PPARA: variants seen among roughly 807,000 people sequenced by gnomAD.
PPARA encodes the protein peroxisome proliferator activated receptor alpha.
In PPARA, 22 loss-of-function variants were observed where a neutral mutation model predicts 42.2. The ratio of observed to expected loss-of-function variants is 0.52; its 90% CI spans 0.37 to 0.74. PPARA has a LOEUF of 0.74. PPARA is among the 30% of genes least tolerant of loss of function. PPARA has a pLI of 0.00. For missense variants in PPARA, 465 were observed against 608.2 expected (o/e 0.76, Z 2.48); for synonymous variants, 242 against 239.3 (o/e 1.01, Z -0.10).
In PPARA at chr22:46,232,376, C is replaced by T. The variant is rs1345577122; in HGVS notation, c.1159+137C>T. 3 of 797,300 alleles carry T rather than the reference C, an allele frequency of 3.8e-6. No individual in the cohort carries two copies. The highest frequency in any genetic ancestry group is 6.6e-6 in the Non-Finnish European group (3 of 457,064). 49.4% of individuals were successfully genotyped at this position (797,300 alleles called of 1,614,324 possible). On this transcript the variant is annotated intron_variant, in intron 8 of 8. Transcript: ENST00000407236. The surrounding 1 kb of genome is among the most constrained non-coding windows in gnomAD (Gnocchi z 5.3). ...CTCACATGGTGGGAAGACGTCTGAC[C>T]CCCAGTCACTGCTGAGAATTCAGTG... is the stretch of plus-strand genomic sequence containing the variant.
intron 4 of PPARA, among the ~76,000 whole-genome samples, chr22:46,209,625 G>T (rs1034105285): frequency 7.9e-5 from 12 of 152,024 alleles, no homozygotes; most frequent in Admixed American, 5.9e-4. Context: ...TTCCATATTA[G>T]ATATTGTAGT....
chr22:46,215,571 C>G (rs963720045), intron 5 of PPARA, among the ~76,000 whole-genome samples: 1 of 151,930 alleles, frequency 6.6e-6, no homozygotes, highest in African/African-American at 2.4e-5. Flanking sequence ...AACCCTGTCT[C>G]TACTAAAAAT....
chr22:46,177,346 A>T (rs951398638), intron 3 of PPARA, among the ~76,000 whole-genome samples: 2 of 151,526 alleles, frequency 1.3e-5, no homozygotes, highest in Non-Finnish European at 2.9e-5. Context: ...TGGTATAAAA[A>T]TTTGATAGTC....
intron 5 of PPARA, 170 bp downstream of exon 5, chr22:46,215,503 C>T (rs1011417453): frequency 1.9e-5 from 15 of 806,884 alleles, no homozygotes; most frequent in South Asian, 1.5e-4. Flanking sequence ...TTTGGGAGAC[C>T]GAGATGGGTG....
In PPARA at chr22:46,165,085, G is replaced by A. The variant is rs188828755; in HGVS notation, c.-126-11668G>A. 1 of 152,320 alleles carries A rather than the reference G, an allele frequency of 6.6e-6. No homozygotes were observed. Among genetic ancestry groups the A allele is most frequent in the African/African-American group, 2.4e-5 (1 of 41,580 alleles). The allele number at this position is 152,320 out of a possible 1,614,324, so 9.4% of individuals were successfully genotyped here. ...GAGTTTCGCTCTGTTGCCCAGGCTA[G>A]AGTGCAATGCCATGATCTCGGCTCA... is the stretch of plus-strand genomic sequence containing the variant. On this transcript the variant is annotated intron_variant, in intron 2 of 8. Transcript: ENST00000407236. This position sits in a 1 kb window ranked among gnomAD's most constrained non-coding sequence, Gnocchi z 5.5.
chr22:46,180,940 C>G lies in PPARA; in HGVS notation c.-43+4104C>G, dbSNP rs1929866812. ...GGAAAGGAGATTGGCTCTCCTGCAT[C>G]CCGGTGTCCTTCCTAGACAGCACAA... is the stretch of plus-strand genomic sequence containing the variant. On this transcript the variant is annotated intron_variant, in intron 3 of 8. Coordinates refer to ENST00000407236, the MANE Select transcript of PPARA (RefSeq NM_005036.6). The surrounding 1 kb of genome is among the most constrained non-coding windows in gnomAD (Gnocchi z 4.2). 6.6e-6 allele frequency among the ~76,000 whole-genome samples: 1 copy of G among 152,138 alleles called. No homozygotes were observed. Among genetic ancestry groups the G allele is most frequent in the African/African-American group, 2.4e-5 (1 of 41,440 alleles).
chr22:46,207,677 A>ATTTTTTTTTTTTTTTTTTTTTTTT (rs764662561), intron 4 of PPARA, among the ~76,000 whole-genome samples: 1 of 50,724 alleles, frequency 2.0e-5, no homozygotes, highest in Non-Finnish European at 3.3e-5. Context: ...TATTATTATT[A>ATTTTTTTTTTTTTTTTTTTTTTTT]TTTTTTTTTT....
rs1427203901 is a variant in PPARA at position 46,230,461 on chromosome 22, C to T, written c.712-1331C>T. Among the ~76,000 whole-genome samples the T allele has an allele frequency of 6.6e-6, 1 of 152,218 alleles. No homozygotes were observed. The highest frequency in any genetic ancestry group is 1.5e-5 in the Non-Finnish European group (1 of 68,040). On this transcript the variant is annotated intron_variant, in intron 7 of 8. Transcript: ENST00000407236. This position sits in a 1 kb window ranked among gnomAD's most constrained non-coding sequence, Gnocchi z 5.0. ...CCACATTATAATCAGAGAGATCTCTCAGATGTTGTCACTTTCCTGCTCTAC... is the reference window on the plus strand; with the variant it reads ...CCACATTATAATCAGAGAGATCTCTTAGATGTTGTCACTTTCCTGCTCTAC...
At position 46,232,212 on chromosome 22, in the gene PPARA, T is replaced by A; in HGVS notation, c.1132T>A (p.Phe378Ile). The A allele has an allele frequency of 6.2e-7, 1 of 1,614,146 alleles. No individual in the cohort carries two copies. The highest frequency in any genetic ancestry group is 8.5e-7 in the Non-Finnish European group (1 of 1,180,014). Residue 378 changes from phenylalanine to isoleucine, a missense_variant, in exon 8 of 9, where the codon TTT (phenylalanine) becomes ATT (isoleucine). Phe to Ile is a conservative substitution (Grantham distance 21). Around this residue, in one of 2 missense-constraint regions of PPARA, gnomAD observed 313 missense variants for 469.1 expected, o/e 0.67. Coordinates refer to ENST00000407236, the MANE Select transcript of PPARA (RefSeq NM_005036.6). The surrounding 1 kb of genome is among the most constrained non-coding windows in gnomAD (Gnocchi z 5.3). ...ACTGGATGACAGTGATATCTCCCTT[T>A]TTGTGGCTGCTATCATTTGCTGTGG... ...LELDDSDISL[F>I]VAAIICCGDR... is the part of the protein sequence containing the mutation.
chr22:46,233,821 TTCC>T lies in PPARA; in HGVS notation c.1160-1307_1160-1305del, dbSNP rs1396604236. On this transcript the variant is annotated intron_variant, in intron 8 of 8. Transcript: ENST00000407236. This position sits in a 1 kb window ranked among gnomAD's most constrained non-coding sequence, Gnocchi z 7.3. The stretch of plus-strand genomic sequence containing the variant: ...GGGGGGATTTCTATTTTTCAAAAGA[TTCC>T]TCCTTTTTTTTTTTTTTGAGACAGA... Among the ~76,000 whole-genome samples the T allele has an allele frequency of 2.0e-5, 3 of 151,560 alleles. No homozygotes were observed. Among genetic ancestry groups the T allele is most frequent in the Admixed American group, 6.6e-5 (1 of 15,190 alleles).
chr22:46,153,596 G>A (rs536098833), intron 2 of PPARA, among the ~76,000 whole-genome samples: 32 of 152,242 alleles, frequency 2.1e-4, no homozygotes, highest in South Asian at 8.3e-4. Context: ...AGCCGGGTGC[G>A]GTGGCTCACA....
rs557724472 is a variant in PPARA, at chr22:46,219,552, G to T, written c.509-260G>T. Among the ~76,000 whole-genome samples the T allele has an allele frequency of 1.3e-5, 2 of 152,130 alleles. No homozygotes were observed. Among genetic ancestry groups the T allele is most frequent in the African/African-American group, 2.4e-5 (1 of 41,420 alleles). ...GTGGTGTGCACCCTACTAATGAGAC[G>T]AACGATGGTGTCACCTTCAGCCTGC... On this transcript the variant is annotated intron_variant, in intron 6 of 8. Transcript: ENST00000407236. This position sits in a 1 kb window ranked among gnomAD's most constrained non-coding sequence, Gnocchi z 4.8.
rs1389866260 is a variant in PPARA at position 46,173,933 on chromosome 22, A to ATAATTACACCT, written c.-126-2820_-126-2819insTAATTACACCT. On this transcript the variant is annotated intron_variant, in intron 2 of 8. Transcript: ENST00000407236. The surrounding 1 kb of genome is among the most constrained non-coding windows in gnomAD (Gnocchi z 4.3). ...AAGAAAGAAATTATGGGCTAGGTGCAGTGGCTCATGCCTGTAATCCCAGCA... is the reference window on the plus strand; with the variant it reads ...AAGAAAGAAATTATGGGCTAGGTGCATAATTACACCTGTGGCTCATGCCTGTAATCCCAGCA... 1.6e-3 allele frequency among the ~76,000 whole-genome samples: 238 copies of ATAATTACACCT among 152,138 alleles called. No individual in the cohort carries two copies. Among genetic ancestry groups the ATAATTACACCT allele is most frequent in the African/African-American group, 5.4e-3 (225 of 41,478 alleles).
rs1935089464 is a variant in PPARA at position 46,222,585 on chromosome 22, T to C, written c.711+2571T>C. Among the ~76,000 whole-genome samples the C allele has an allele frequency of 6.6e-6, 1 of 152,322 alleles. No homozygotes were observed. The highest frequency in any genetic ancestry group is 1.9e-4 in the East Asian group (1 of 5,184). On this transcript the variant is annotated intron_variant, in intron 7 of 8. Transcript: ENST00000407236. This position sits in a 1 kb window ranked among gnomAD's most constrained non-coding sequence, Gnocchi z 5.9. Reference sequence around the variant, plus strand: ...AGGCAGCTCCAGAGGCTTGTCCCAATTAGAACTTTCCTGGATTACGAGAGT... The same window carrying C: ...AGGCAGCTCCAGAGGCTTGTCCCAACTAGAACTTTCCTGGATTACGAGAGT...
chr22:46,230,286 G>A lies in PPARA; in HGVS notation c.712-1506G>A, dbSNP rs1270367486. ...CTCAGAAGGCTGAGGCGGGAGAATC[G>A]CTTGAACCTGGGAGGCCGAGGTTGC... On this transcript the variant is annotated intron_variant, in intron 7 of 8. Transcript: ENST00000407236. The surrounding 1 kb of genome is among the most constrained non-coding windows in gnomAD (Gnocchi z 5.0). 2.6e-5 allele frequency among the ~76,000 whole-genome samples: 4 copies of A among 152,086 alleles called. No homozygotes were observed. The highest frequency in any genetic ancestry group is 4.4e-5 in the Non-Finnish European group (3 of 68,016).
chr22:46,218,313 C>A lies in PPARA; in HGVS notation c.420C>A (p.Asp140Glu). The change falls in exon 6 of 9, where the codon GAC (aspartate) becomes GAA (glutamate). Residue 140 changes from aspartate (D) to glutamate (E), a missense_variant. Physicochemically the swap from Asp to Glu is conservative, Grantham distance 45. Transcript: ENST00000407236. ...TCAAGCTGGTGTATGACAAGTGCGA[C>A]CGCAGCTGCAAGATCCAGAAAAAGA... ...IRLKLVYDKC[D>E]RSCKIQKKNR... 5 of 1,614,052 alleles carry A rather than the reference C, an allele frequency of 3.1e-6. No individual in the cohort carries two copies. Among genetic ancestry groups the A allele is most frequent in the East Asian group, 2.2e-5 (1 of 44,874 alleles).
Position 46,190,868 on chromosome 22 carries a change from C to G in PPARA, c.-42-7474C>G, listed in dbSNP as rs1440795360. On this transcript the variant is annotated intron_variant, in intron 3 of 8. Transcript: ENST00000407236. This position sits in a 1 kb window ranked among gnomAD's most constrained non-coding sequence, Gnocchi z 5.6. Reference sequence around the variant, plus strand: ...GATAGTTGGGACAGTATTCAGCTACCTGCTATTTAATACATTATTTCAGAA... The same window carrying G: ...GATAGTTGGGACAGTATTCAGCTACGTGCTATTTAATACATTATTTCAGAA... 6.6e-6 allele frequency among the ~76,000 whole-genome samples: 1 copy of G among 152,142 alleles called. No individual in the cohort carries two copies. Among genetic ancestry groups the G allele is most frequent in the Non-Finnish European group, 1.5e-5 (1 of 68,040 alleles).
chr22:46,190,542 C>T lies in PPARA; in HGVS notation c.-42-7800C>T, dbSNP rs1463635846. Among the ~76,000 whole-genome samples, 1 of 152,130 alleles carries T rather than the reference C, an allele frequency of 6.6e-6. No homozygotes were observed. Among genetic ancestry groups the T allele is most frequent in the African/African-American group, 2.4e-5 (1 of 41,428 alleles). ...CCAAGCCGCGTGGATCGCTTGAGCC[C>T]AGGAGTTCGAGACCAGGCTGGGCAA... is the stretch of plus-strand genomic sequence containing the variant. On this transcript the variant is annotated intron_variant, in intron 3 of 8. Coordinates refer to ENST00000407236, the MANE Select transcript of PPARA (RefSeq NM_005036.6). The surrounding 1 kb of genome is among the most constrained non-coding windows in gnomAD (Gnocchi z 5.6).
In PPARA at chr22:46,236,835, GGTT is replaced by G. The variant is rs756442948; in HGVS notation, c.*1459_*1461del. Reference sequence around the variant, plus strand: ...GTTGGTTATTTTTTACAATGGTTTAGGTTGTTAAGTCTCCTTTGTATGTAAGGT... The same window carrying G: ...GTTGGTTATTTTTTACAATGGTTTAGGTTAAGTCTCCTTTGTATGTAAGGT... On this transcript the variant is annotated 3_prime_UTR_variant, in exon 9 of 9. Coordinates refer to ENST00000407236, the MANE Select transcript of PPARA (RefSeq NM_005036.6). This position sits in a 1 kb window ranked among gnomAD's most constrained non-coding sequence, Gnocchi z 5.2. 16 of 152,102 alleles carry G rather than the reference GGTT, an allele frequency of 1.1e-4. No homozygotes were observed. Among genetic ancestry groups the G allele is most frequent in the Admixed American group, 6.6e-5 (1 of 15,266 alleles). 9.4% of individuals were successfully genotyped at this position (152,102 alleles called of 1,614,324 possible).
Sources: allele counts gnomAD v4.1 joint callset (sites outside exome capture counted in the v4.1 genomes callset), GRCh38; gene constraint gnomAD v4.1.1; regional missense constraint gnomAD v4.1.1; non-coding constraint Gnocchi (gnomAD v3.1); transcripts MANE v1.5; gene names NCBI Gene and HGNC (gene_info 2026-07-23, HGNC 2026-07-21).